Variants in RBFOX3 observed in about 807,000 individuals in gnomAD.
The protein encoded by RBFOX3 is RNA binding fox-1 homolog 3, also known as RNA binding protein fox-1 homolog 3.
Under a neutral mutation model 48.7 loss-of-function variants are expected in RBFOX3, and 17 were observed. That is an observed-to-expected ratio of 0.35 (90% confidence interval 0.24 to 0.52). RBFOX3 has a LOEUF of 0.52. Among genes scored for constraint, RBFOX3 ranks in the 20% least tolerant of loss-of-function variants. The pLI is 0.94. For synonymous variants in RBFOX3, 212 were observed against 209.5 expected (o/e 1.01, Z -0.10); for missense variants, 382 against 497.5 (o/e 0.77, Z 2.21).
At chr17:79,450,195 A>G (rs141406066) in intron 2 of RBFOX3, among the ~76,000 whole-genome samples, 3 of 152,354 alleles carry the variant, frequency 2.0e-5, no homozygotes, top group Non-Finnish European at 4.4e-5. Flanking sequence ...CCGTGGGTGT[A>G]CAGACACTGT....
At chr17:79,464,549 C>T (rs1470532900) in intron 2 of RBFOX3, among the ~76,000 whole-genome samples, 9 of 152,130 alleles carry the variant, frequency 5.9e-5, no homozygotes, top group East Asian at 5.8e-4. Flanking sequence ...AGGAACGTGC[C>T]GTGATGCAGA....
intron 1 of RBFOX3, among the ~76,000 whole-genome samples, chr17:79,541,456 T>C (rs1341580576): frequency 6.6e-6 from 1 of 152,236 alleles, no homozygotes; most frequent in African/African-American, 2.4e-5. Context: ...CCATACTTGG[T>C]GTACAAAGTA....
intron 4 of RBFOX3, among the ~76,000 whole-genome samples, chr17:79,175,574 A>G (rs2050354048): frequency 6.6e-6 from 1 of 152,224 alleles, no homozygotes; most frequent in Non-Finnish European, 1.5e-5. Flanking sequence ...CAGGCGGTCC[A>G]GGGCCTGGCA....
rs1042829537 is a variant in RBFOX3 at position 79,214,073 on chromosome 17, C to T, written c.-34+21693G>A. 6.6e-6 allele frequency among the ~76,000 whole-genome samples: 1 copy of T among 152,176 alleles called. No homozygotes were observed. On this transcript the variant is annotated intron_variant, in intron 4 of 14. Coordinates refer to ENST00000693108, the MANE Select transcript of RBFOX3 (RefSeq NM_001350451.2). The surrounding 1 kb of genome is among the most constrained non-coding windows in gnomAD (Gnocchi z 4.7). Reference sequence around the variant, plus strand: ...TGAACTACAGCCAACCCTCGCATGGCGCCGCCCAGCTCTGGTAGGAGGGAC... The same window carrying T: ...TGAACTACAGCCAACCCTCGCATGGTGCCGCCCAGCTCTGGTAGGAGGGAC...
At chr17:79,652,001 T>C in the RBFOX3 span, among the ~76,000 whole-genome samples, 35 of 151,396 alleles carry the variant, frequency 2.3e-4, no homozygotes, top group African/African-American at 8.3e-4. Context: ...TCCCCAGTCA[T>C]GCCCTAGATG....
chr17:79,359,924 C>A (rs1289435161), intron 2 of RBFOX3, among the ~76,000 whole-genome samples: 1 of 152,104 alleles, frequency 6.6e-6, no homozygotes, highest in Non-Finnish European at 1.5e-5. Context: ...GGGGGTCTGG[C>A]TCTGTTGCCC....
the RBFOX3 span, among the ~76,000 whole-genome samples, chr17:79,620,244 C>T: frequency 6.7e-6 from 1 of 150,158 alleles, no homozygotes; most frequent in Non-Finnish European, 1.5e-5. Flanking sequence ...CACATGCACA[C>T]ATACGCACAT....
At chr17:79,376,697 G>A (rs965934009) in intron 2 of RBFOX3, among the ~76,000 whole-genome samples, 4 of 152,212 alleles carry the variant, frequency 2.6e-5, no homozygotes, top group Non-Finnish European at 5.9e-5. Flanking sequence ...GAGGAGGGGT[G>A]CAGATTCCAG....
intron 2 of RBFOX3, among the ~76,000 whole-genome samples, chr17:79,458,821 G>T (rs1001325404): frequency 1.3e-5 from 2 of 152,144 alleles, no homozygotes; most frequent in Non-Finnish European, 2.9e-5. Context: ...AGGCCCAGCT[G>T]AGAAACAGCC....
At chr17:79,600,552 A>G (rs2145331274) in intron 1 of RBFOX3, 1 of 152,168 alleles carries the variant, frequency 6.6e-6, no homozygotes, top group Admixed American at 6.5e-5. Context: ...ATTTTCCCTT[A>G]ATTCCCTACA....
rs539012821 is a variant in RBFOX3, at chr17:79,339,703, G to A, written c.-174-31879C>T. On this transcript the variant is annotated intron_variant, in intron 2 of 14. Coordinates refer to ENST00000693108, the MANE Select transcript of RBFOX3 (RefSeq NM_001350451.2). The stretch of plus-strand genomic sequence containing the variant: ...GAGCTGTGCTGGGAGACGATAACTC[G>A]GGCTGGCACAGCAACTGTTGGCCTG... Among the ~76,000 whole-genome samples, 37 of 152,314 alleles carry A rather than the reference G, an allele frequency of 2.4e-4. No homozygotes were observed. The East Asian group carries it at 4.4e-3, about 18-fold the overall frequency.
At chr17:79,160,052 C>A (rs1599735052) in intron 4 of RBFOX3, among the ~76,000 whole-genome samples, 1 of 152,390 alleles carries the variant, frequency 6.6e-6, no homozygotes, top group East Asian at 1.9e-4. Flanking sequence ...CAACAGGCAG[C>A]AAGGGCTGCC....
intron 2 of RBFOX3, among the ~76,000 whole-genome samples, chr17:79,428,972 C>T (rs575725827): frequency 1.3e-5 from 2 of 152,334 alleles, no homozygotes; most frequent in South Asian, 4.1e-4. Flanking sequence ...TCCGGGTCCC[C>T]CTTCCAGTGC....
intron 4 of RBFOX3, among the ~76,000 whole-genome samples, chr17:79,192,298 G>A (rs2054673108): frequency 6.6e-6 from 1 of 152,208 alleles, no homozygotes; most frequent in Non-Finnish European, 1.5e-5. Context: ...CCCACTGAGA[G>A]TTGCTGCATC....
chr17:79,238,177 T>C (rs992751363), intron 3 of RBFOX3, among the ~76,000 whole-genome samples: 1 of 152,232 alleles, frequency 6.6e-6, no homozygotes, highest in African/African-American at 2.4e-5. Context: ...CCTCAGGTGA[T>C]CCACCTGCCT....
chr17:79,092,869 T>C (rs1380650899), intron 14 of RBFOX3, among the ~76,000 whole-genome samples: 1 of 152,282 alleles, frequency 6.6e-6, no homozygotes, highest in East Asian at 1.9e-4. Context: ...TCTGGGGTCA[T>C]GGCCAACAGT....
intron 4 of RBFOX3, among the ~76,000 whole-genome samples, chr17:79,150,077 G>C (rs55666426): frequency 0.51 from 25,256 of 49,198 alleles, 9,157 homozygotes; most frequent in East Asian, 0.6. Flanking sequence ...TGGGGGTTTG[G>C]GGTGGATCTA....
At chr17:79,313,429 A>T (rs1442530693) in intron 2 of RBFOX3, among the ~76,000 whole-genome samples, 2 of 152,162 alleles carry the variant, frequency 1.3e-5, no homozygotes, top group African/African-American at 4.8e-5. Flanking sequence ...CATTTAGTCA[A>T]GCTGTGCTGG....
rs772321364 is a variant in RBFOX3 at position 79,291,312 on chromosome 17, G to A, written c.-74+16412C>T. Among the ~76,000 whole-genome samples the A allele has an allele frequency of 4.7e-4, 72 of 152,316 alleles. 1 individual carries two copies. Among genetic ancestry groups the A allele is most frequent in the Admixed American group, 3.1e-3 (47 of 15,302 alleles). On this transcript the variant is annotated intron_variant, in intron 3 of 14. Coordinates refer to ENST00000693108, the MANE Select transcript of RBFOX3 (RefSeq NM_001350451.2). ...GGTGTGGGGAAAAGAGCGAGAGCTC[G>A]CTCTGCGGTGCCACATTTTGGATTC...
Sources: allele counts gnomAD v4.1 joint callset (sites outside exome capture counted in the v4.1 genomes callset), GRCh38; gene constraint gnomAD v4.1.1; non-coding constraint Gnocchi (gnomAD v3.1); transcripts MANE v1.5; gene names NCBI Gene and HGNC (gene_info 2026-07-23, HGNC 2026-07-21).